The following OSBPL1A variants were observed in gnomAD, a reference collection of about 807,000 sequenced individuals.
OSBPL1A encodes the protein oxysterol binding protein like 1A.
Under a neutral mutation model 137.1 loss-of-function variants are expected in OSBPL1A, and 80 were observed. The ratio of observed to expected loss-of-function variants is 0.58; its 90% CI spans 0.49 to 0.70. The LOEUF is 0.70. Among genes scored for constraint, OSBPL1A ranks in the 30% least tolerant of loss-of-function variants. The pLI, the probability that OSBPL1A is intolerant of heterozygous loss-of-function variation, is 0.00. For synonymous variants in OSBPL1A, 365 were observed against 389.7 expected, an observed-to-expected ratio of 0.94 and a Z score of 0.75; for missense variants, 970 against 1,129.4, an observed-to-expected ratio of 0.86 and a Z score of 2.02.
intron 21 of OSBPL1A, among the ~76,000 whole-genome samples, chr18:24,175,119 TATATATATATATATATACAC>T (rs1324670241): frequency 3.1e-4 from 40 of 128,504 alleles, no homozygotes; most frequent in South Asian, 1.5e-3. Flanking sequence ...TATATATATA[TATATATATATATATATACAC>T]ATATATATAT....
chr18:24,164,889 A>T (rs745684775), intron 27 of OSBPL1A, among the ~76,000 whole-genome samples, 176 bp downstream of exon 27: 1 of 152,232 alleles, frequency 6.6e-6, no homozygotes, highest in African/African-American at 2.4e-5. Context: ...GTGTCCATCA[A>T]TGGATGAATG....
At chr18:24,303,327 A>G (rs1455954758) in intron 14 of OSBPL1A, among the ~76,000 whole-genome samples, 1 of 152,114 alleles carries the variant, frequency 6.6e-6, no homozygotes, top group Non-Finnish European at 1.5e-5. Flanking sequence ...CTGACTCCAA[A>G]ACCCAAGTCT....
At chr18:24,171,043 T>G (rs966009463) in intron 23 of OSBPL1A, among the ~76,000 whole-genome samples, 9 of 135,046 alleles carry the variant, frequency 6.7e-5, no homozygotes, top group African/African-American at 2.5e-4. Flanking sequence ...ATTTTTTTTG[T>G]TTTTTTTTTT....
At chr18:24,384,669 G>A (rs1326311037) in intron 1 of OSBPL1A, among the ~76,000 whole-genome samples, 3 of 149,858 alleles carry the variant, frequency 2.0e-5, no homozygotes, top group Admixed American at 6.7e-5. Flanking sequence ...CAGGAGTTCC[G>A]GACCAGCGTG....
intron 1 of OSBPL1A, among the ~76,000 whole-genome samples, chr18:24,391,588 A>T (rs982016718): frequency 6.6e-6 from 1 of 151,048 alleles, no homozygotes; most frequent in Non-Finnish European, 1.5e-5. Flanking sequence ...TAATTACCAA[A>T]TGTCATGGTG....
At chr18:24,303,398 A>G (rs17203209) in intron 14 of OSBPL1A, among the ~76,000 whole-genome samples, 44,667 of 152,118 alleles carry the variant, frequency 0.29, 7,162 homozygotes, top group Middle Eastern at 0.36. Context: ...GGCCAAAAAC[A>G]TTAACTTTAA....
Position 24,281,440 on chromosome 18 carries a change from T to G in OSBPL1A, c.1175-492A>C, listed in dbSNP as rs146198940. Among the ~76,000 whole-genome samples, 851 of 150,500 alleles carry G rather than the reference T, an allele frequency of 5.7e-3. 4 individuals carry two copies. The highest frequency in any genetic ancestry group is 9.2e-3 in the Non-Finnish European group (622 of 67,820). ...TCTCACTCTGTGGCCCAGGCTGGAG[T>G]GCAGTGGAGTAATCTCGGCTTATTG... On this transcript the variant is annotated intron_variant, in intron 14 of 27. Coordinates refer to ENST00000319481, the MANE Select transcript of OSBPL1A (RefSeq NM_080597.4).
At chr18:24,239,645 T>C (rs1327622668) in intron 15 of OSBPL1A, among the ~76,000 whole-genome samples, 1 of 152,182 alleles carries the variant, frequency 6.6e-6, no homozygotes, top group African/African-American at 2.4e-5. Context: ...ATCAGGATCC[T>C]GGCATAAGAA....
intron 13 of OSBPL1A, among the ~76,000 whole-genome samples, chr18:24,305,347 C>T (rs548015512): frequency 1.5e-4 from 23 of 152,118 alleles, no homozygotes; most frequent in Non-Finnish European, 2.2e-4. Context: ...CCTTGATCGA[C>T]GATTTACTTG....
intron 18 of OSBPL1A, among the ~76,000 whole-genome samples, chr18:24,192,772 A>G (rs1457360520): frequency 1.3e-5 from 2 of 152,230 alleles, no homozygotes; most frequent in Non-Finnish European, 2.9e-5. Flanking sequence ...GACCTAGACC[A>G]TATCTGGCAG....
intron 2 of OSBPL1A, among the ~76,000 whole-genome samples, chr18:24,369,425 C>T (rs903909310): frequency 2.0e-5 from 3 of 152,196 alleles, no homozygotes; most frequent in Non-Finnish European, 4.4e-5. Flanking sequence ...CAAATACAGC[C>T]CTATCAAATC....
intron 2 of OSBPL1A, among the ~76,000 whole-genome samples, chr18:24,376,361 T>G (rs1354689489): frequency 6.6e-6 from 1 of 152,214 alleles, no homozygotes; most frequent in Non-Finnish European, 1.5e-5. Context: ...TATTGATTGG[T>G]GCATTCACAA....
chr18:24,311,638 G>GA (rs1209644116), intron 13 of OSBPL1A: 31 of 396,748 alleles, frequency 7.8e-5, no homozygotes, highest in Non-Finnish European at 1.1e-4. Flanking sequence ...AATGTGCAGT[G>GA]AAGTCATAAA....
At position 24,225,085 on chromosome 18, in the gene OSBPL1A, A is replaced by G; in HGVS notation, c.1558T>C (p.Cys520Arg). ...RKHRMSEEKDCGGGDALSNGI... is the reference protein window; with the variant it reads ...RKHRMSEEKDRGGGDALSNGI... The stretch of plus-strand genomic sequence containing the variant: ...TTGGAGAGAGCATCTCCGCCACCAC[A>G]GTCTTTTTCTTCGGACATTCTGTGT... Residue 520 changes from cysteine (C) to arginine (R), a missense_variant, in exon 17 of 28, where the codon TGT (cysteine) becomes CGT (arginine). Cys to Arg is a radical substitution (Grantham distance 180). Around this residue, in one of 2 missense-constraint regions of OSBPL1A, gnomAD observed 647 missense variants for 672.6 expected, o/e 0.96. Coordinates refer to ENST00000319481, the MANE Select transcript of OSBPL1A (RefSeq NM_080597.4). The G allele has an allele frequency of 6.2e-7, 1 of 1,614,176 alleles. No homozygotes were observed. Among genetic ancestry groups the G allele is most frequent in the South Asian group, 1.1e-5 (1 of 91,084 alleles).
chr18:24,336,709 T>C (rs1400038633), intron 5 of OSBPL1A, among the ~76,000 whole-genome samples: 1 of 152,230 alleles, frequency 6.6e-6, no homozygotes. Context: ...ATCTTAGAGG[T>C]CACAAAGTCT....
At chr18:24,314,693 G>A (rs780024709) in intron 11 of OSBPL1A, among the ~76,000 whole-genome samples, 21 of 152,108 alleles carry the variant, frequency 1.4e-4, no homozygotes, top group African/African-American at 2.7e-4. Flanking sequence ...CATACCCGTC[G>A]CCTTACCTTT....
At chr18:24,183,066 T>TC (rs2086649339) in intron 18 of OSBPL1A, among the ~76,000 whole-genome samples, 1 of 151,994 alleles carries the variant, frequency 6.6e-6, no homozygotes, top group South Asian at 2.1e-4. Context: ...AGACAGGGTT[T>TC]CACCATGTTG....
At chr18:24,189,585 T>C (rs1436193455) in intron 18 of OSBPL1A, among the ~76,000 whole-genome samples, 9 of 152,118 alleles carry the variant, frequency 5.9e-5, no homozygotes, top group African/African-American at 1.7e-4. Flanking sequence ...AATGAAAAAA[T>C]TCATTGTGCT....
In OSBPL1A at chr18:24,303,725, AAAAAG is replaced by A. The variant is rs778626815; in HGVS notation, c.1093-12_1093-8del. The A allele has an allele frequency of 6.8e-6, 11 of 1,609,610 alleles. No individual in the cohort carries two copies. In the South Asian group the frequency reaches 1.1e-4, roughly 16 times the overall value. ...GTTGGCATGACTGTGCTTTCTGCAA[AAAAAG>A]AAAAGACAAAATTAAAACAAAGTAA... On this transcript the variant is annotated splice_region_variant and splice_polypyrimidine_tract_variant and intron_variant, in intron 13 of 27. Coordinates refer to ENST00000319481, the MANE Select transcript of OSBPL1A (RefSeq NM_080597.4).
Sources: allele counts gnomAD v4.1 joint callset (sites outside exome capture counted in the v4.1 genomes callset), GRCh38; gene constraint gnomAD v4.1.1; regional missense constraint gnomAD v4.1.1; transcripts MANE v1.5; gene names NCBI Gene and HGNC (gene_info 2026-07-23, HGNC 2026-07-21).